Variants in THSD7B observed in about 807,000 individuals in gnomAD.
THSD7B encodes thrombospondin type 1 domain containing 7B.
THSD7B carries 138 observed loss-of-function variants against 213.6 expected under a neutral mutation model. The ratio of observed to expected loss-of-function variants is 0.65; its 90% CI spans 0.56 to 0.74. The LOEUF (loss-of-function observed/expected upper bound fraction) is 0.74. Among genes scored for constraint, THSD7B ranks in the 30% least tolerant of loss-of-function variants. The probability of loss-of-function intolerance (pLI) is 0.00; values close to 1 mark genes in which losing one functional copy is unlikely to be tolerated. For missense variants in THSD7B, 1,931 were observed against 1,991.5 expected (o/e 0.97, Z 0.58); for synonymous variants, 742 against 687.0 (o/e 1.08, Z -1.25).
At chr2:137,630,676 T>C (rs914345902) in intron 20 of THSD7B, among the ~76,000 whole-genome samples, 6 of 152,258 alleles carry the variant, frequency 3.9e-5, no homozygotes, top group Non-Finnish European at 8.8e-5. Flanking sequence ...GCTGCAAAGG[T>C]TGGAGACTAT....
chr2:136,794,738 T>C (rs529340155), intron 1 of THSD7B, among the ~76,000 whole-genome samples: 2 of 152,148 alleles, frequency 1.3e-5, no homozygotes, highest in African/African-American at 2.4e-5. Flanking sequence ...ATCTTCTACA[T>C]CCTTAAGTAT....
chr2:137,607,558 T>C (rs1682206738), intron 17 of THSD7B, among the ~76,000 whole-genome samples: 1 of 152,206 alleles, frequency 6.6e-6, no homozygotes, highest in Admixed American at 6.5e-5. Flanking sequence ...ATGTCCTTTA[T>C]AGTGTTTATA....
intron 1 of THSD7B, among the ~76,000 whole-genome samples, chr2:136,801,680 A>G (rs767131272): frequency 6.6e-6 from 1 of 152,074 alleles, no homozygotes; most frequent in Non-Finnish European, 1.5e-5. Flanking sequence ...TAACAAGTAT[A>G]AGACGACATT....
chr2:136,854,124 T>G (rs1573670476), intron 1 of THSD7B, among the ~76,000 whole-genome samples: 1 of 152,170 alleles, frequency 6.6e-6, no homozygotes, highest in Non-Finnish European at 1.5e-5. Context: ...GGTTACTCAG[T>G]GTGCACATTG....
intron 7 of THSD7B, among the ~76,000 whole-genome samples, chr2:137,175,325 A>G (rs546050088): frequency 3.2e-4 from 48 of 152,344 alleles, no homozygotes; most frequent in African/African-American, 1.1e-3. Context: ...GGGATAATGC[A>G]ACATACAATC....
At chr2:137,492,708 G>C (rs1461417320) in intron 15 of THSD7B, among the ~76,000 whole-genome samples, 6 of 152,282 alleles carry the variant, frequency 3.9e-5, no homozygotes, top group South Asian at 2.1e-4. Flanking sequence ...AATTGAATTA[G>C]ATGATTTATC....
Position 137,677,173 on chromosome 2 carries a change from G to A in THSD7B, c.*568G>A, listed in dbSNP as rs1210070478. On this transcript the variant is annotated 3_prime_UTR_variant, in exon 28 of 28. Transcript: ENST00000409968. ...TCTGAGTTTTTAACCTTTAAATATTGTATTTTGTTTTGTAGCCAGGGGATG... is the reference window on the plus strand; with the variant it reads ...TCTGAGTTTTTAACCTTTAAATATTATATTTTGTTTTGTAGCCAGGGGATG... The A allele has an allele frequency of 6.6e-6, 1 of 152,528 alleles. No homozygotes were observed. The highest frequency in any genetic ancestry group is 2.1e-4 in the South Asian group (1 of 4,824). 9.4% of individuals were successfully genotyped at this position (152,528 alleles called of 1,614,324 possible). A position where few individuals can be genotyped will look rare whatever the true frequency, so the allele number is the denominator to read the frequency against.
intron 20 of THSD7B, among the ~76,000 whole-genome samples, chr2:137,638,905 A>G (rs188655175): frequency 6.9e-4 from 105 of 152,330 alleles, no homozygotes; most frequent in Non-Finnish European, 1.4e-3. Context: ...AAAGCATTCA[A>G]GATGTGACTT....
intron 2 of THSD7B, among the ~76,000 whole-genome samples, chr2:137,027,252 C>T (rs980282702): frequency 6.6e-6 from 1 of 152,168 alleles, no homozygotes; most frequent in Non-Finnish European, 1.5e-5. Flanking sequence ...ACAGATGGCT[C>T]TTTCTCGCTT....
chr2:137,486,234 C>A (rs1163591733), intron 15 of THSD7B, among the ~76,000 whole-genome samples: 1 of 151,988 alleles, frequency 6.6e-6, no homozygotes, highest in Admixed American at 6.6e-5. Context: ...CATCAGTGTA[C>A]TGTATTCAGG....
chr2:137,054,683 C>T (rs1390682189), intron 2 of THSD7B, among the ~76,000 whole-genome samples: 1 of 152,028 alleles, frequency 6.6e-6, no homozygotes, highest in East Asian at 1.9e-4. Context: ...TGTGTAAATT[C>T]ATATGCCTCT....
At chr2:137,365,058 A>G (rs529053283) in intron 12 of THSD7B, among the ~76,000 whole-genome samples, 5 of 152,152 alleles carry the variant, frequency 3.3e-5, no homozygotes, top group Non-Finnish European at 7.4e-5. Context: ...GACCAGTGGA[A>G]CAGAACAGAG....
chr2:137,160,430 C>T, intron 6 of THSD7B, 62 bp downstream of exon 6: 1 of 1,572,284 alleles, frequency 6.4e-7, no homozygotes, highest in Non-Finnish European at 8.6e-7. Context: ...ATTCTGGTAG[C>T]TAAGTCACTG....
chr2:137,414,161 A>G (rs1388789050), intron 14 of THSD7B, among the ~76,000 whole-genome samples: 1 of 152,244 alleles, frequency 6.6e-6, no homozygotes, highest in East Asian at 1.9e-4. Context: ...AAAAGCTATT[A>G]GGGAATCTAA....
At chr2:137,389,407 T>C (rs1685969023) in intron 12 of THSD7B, among the ~76,000 whole-genome samples, 1 of 131,974 alleles carries the variant, frequency 7.6e-6, no homozygotes, top group Non-Finnish European at 1.6e-5. Flanking sequence ...ATGTGATTTT[T>C]TTTTTTTTTT....
intron 12 of THSD7B, among the ~76,000 whole-genome samples, chr2:137,281,896 T>C (rs1365095957): frequency 6.6e-6 from 1 of 152,204 alleles, no homozygotes; most frequent in African/African-American, 2.4e-5. Flanking sequence ...CAGCATGATT[T>C]ATAGTCCTTT....
At chr2:137,051,531 T>C (rs1321407029) in intron 2 of THSD7B, among the ~76,000 whole-genome samples, 1 of 152,232 alleles carries the variant, frequency 6.6e-6, no homozygotes, top group Non-Finnish European at 1.5e-5. Context: ...TAAGTCAATG[T>C]TGTTTTAAAT....
Position 137,171,309 on chromosome 2 carries a change from C to A in THSD7B, c.1723+371C>A, listed in dbSNP as rs138103477. On this transcript the variant is annotated intron_variant, in intron 7 of 27. Coordinates refer to ENST00000409968, the MANE Select transcript of THSD7B (RefSeq NM_001316349.2). Reference sequence around the variant, plus strand: ...GCCTTTATATATTATAAACAAATGTCATCTTGTTAAGAATCCAGGACTGAA... The same window carrying A: ...GCCTTTATATATTATAAACAAATGTAATCTTGTTAAGAATCCAGGACTGAA... Among the ~76,000 whole-genome samples, 416 of 152,194 alleles carry A rather than the reference C, an allele frequency of 2.7e-3. 4 individuals carry two copies. In the Middle Eastern group the frequency reaches 0.065, roughly 24 times the overall value.
chr2:137,363,037 T>A (rs1173135387), intron 12 of THSD7B, among the ~76,000 whole-genome samples: 1 of 152,140 alleles, frequency 6.6e-6, no homozygotes, highest in Non-Finnish European at 1.5e-5. Flanking sequence ...ACAAACTGTC[T>A]CTCAGACCAC....
Sources: allele counts gnomAD v4.1 joint callset (sites outside exome capture counted in the v4.1 genomes callset), GRCh38; gene constraint gnomAD v4.1.1; transcripts MANE v1.5; gene names NCBI Gene and HGNC (gene_info 2026-07-23, HGNC 2026-07-21).